FER1L5: variants seen among roughly 807,000 people sequenced by gnomAD.
FER1L5 encodes fer-1-like protein 5.
FER1L5 carries 187 observed loss-of-function variants against 279.9 expected under a neutral mutation model. The ratio of observed to expected loss-of-function variants is 0.67; its 90% CI spans 0.59 to 0.75. The LOEUF is 0.75. Ranked by LOEUF, FER1L5 falls within the 30% of genes least tolerant of loss-of-function variation. FER1L5 has a pLI of 0.00. For missense variants in FER1L5, 2,091 were observed against 2,594.4 expected (o/e 0.81, Z 4.21); for synonymous variants, 921 against 989.7 (o/e 0.93, Z 1.30).
chr2:96,690,684 G>A, intron 27 of FER1L5, 95 bp downstream of exon 27: 2 of 1,153,674 alleles, frequency 1.7e-6, no homozygotes, highest in Non-Finnish European at 2.5e-6. Context: ...AGCCCTCCAT[G>A]GTATACGCCT....
chr2:96,661,077 G>T (rs1027411347), intron 10 of FER1L5, among the ~76,000 whole-genome samples: 9 of 152,184 alleles, frequency 5.9e-5, no homozygotes, highest in African/African-American at 2.2e-4. Flanking sequence ...CCAGGCCACA[G>T]TGAGAACAGT....
At chr2:96,685,288 G>GCTGAGGCGGGCTCTCTCAC in intron 20 of FER1L5, 41 bp from the exon 21 acceptor site, 2 of 1,533,576 alleles carry the variant, frequency 1.3e-6, no homozygotes, top group Non-Finnish European at 1.8e-6. Context: ...TGGGCTCCAT[G>GCTGAGGCGGGCTCTCTCAC]CTGAGGCGGG....
At position 96,702,950 on chromosome 2, in the gene FER1L5, G is replaced by C; in HGVS notation, c.5398-28G>C. On this transcript the variant is annotated intron_variant, in intron 48 of 52. Transcript: ENST00000624922. The surrounding 1 kb of genome is among the most constrained non-coding windows in gnomAD (Gnocchi z 4.0). ...AGGGAAACGTCCAGGAGACAGGCCG[G>C]TAACACGCCCTTCCGCCATTTCCCC... 2 of 1,595,936 alleles carry C rather than the reference G, an allele frequency of 1.3e-6. No homozygotes were observed. Among genetic ancestry groups the C allele is most frequent in the Admixed American group, 1.7e-5 (1 of 57,818 alleles).
Position 96,685,950 on chromosome 2 carries a change from C to T in FER1L5, c.1906C>T (p.Pro636Ser), listed in dbSNP as rs1261041481. 4.5e-6 allele frequency: 7 copies of T among 1,542,130 alleles called. No homozygotes were observed. The highest frequency in any genetic ancestry group is 4.1e-5 in the African/African-American group (3 of 72,930). ...ELAEDCKRPL[P>S]CMTYQPKATS... ...CTGTCCTGGCCACAGGCGCCCTCTGCCCTGCATGACCTATCAGCCCAAAGC... is the reference window on the plus strand; with the variant it reads ...CTGTCCTGGCCACAGGCGCCCTCTGTCCTGCATGACCTATCAGCCCAAAGC... Residue 636 changes from proline (P) to serine (S), a missense_variant, in exon 22 of 53, where the codon CCC becomes TCC. Coordinates refer to ENST00000624922, the MANE Select transcript of FER1L5 (RefSeq NM_001293083.2).
At chr2:96,690,199 CA>C (rs1169568944) in intron 26 of FER1L5, among the ~76,000 whole-genome samples, 2 of 152,218 alleles carry the variant, frequency 1.3e-5, no homozygotes, top group African/African-American at 4.8e-5. Flanking sequence ...AGAGTAGCCC[CA>C]GGCGGCTGGT....
chr2:96,664,970 C>G (rs1308296381), intron 14 of FER1L5, among the ~76,000 whole-genome samples: 1 of 152,192 alleles, frequency 6.6e-6, no homozygotes, highest in African/African-American at 2.4e-5. Context: ...CTACTTGTTC[C>G]TGCACTAAAT....
At position 96,694,489 on chromosome 2, in the gene FER1L5, G is replaced by C; in HGVS notation, c.3741+25G>C. 1 of 1,520,452 alleles carries C rather than the reference G, an allele frequency of 6.6e-7. No homozygotes were observed. The highest frequency in any genetic ancestry group is 2.5e-5 in the East Asian group (1 of 40,068). 94.2% of individuals were successfully genotyped at this position (1,520,452 alleles called of 1,614,324 possible). On this transcript the variant is annotated intron_variant, in intron 34 of 52. Transcript: ENST00000624922. The surrounding 1 kb of genome is among the most constrained non-coding windows in gnomAD (Gnocchi z 4.6). ...GGTGCTGGCGATGTGGGATGGGGAC[G>C]GTGGGCAGGACAGGCGGGGGTGGTC...
At position 96,693,904 on chromosome 2, in the gene FER1L5, C is replaced by G. The variant is rs936225270; in HGVS notation, c.3475-7C>G. 3.2e-6 allele frequency: 5 copies of G among 1,541,658 alleles called. No individual in the cohort carries two copies. The highest frequency in any genetic ancestry group is 1.4e-5 in the African/African-American group (1 of 72,970). On this transcript the variant is annotated splice_polypyrimidine_tract_variant and splice_region_variant and intron_variant, in intron 32 of 52. Transcript: ENST00000624922. ...GCCTCCATGCTTTGTGAACTTCCCCCCTCCAGGGCAAGGAGAGCTTGTGGG... is the reference window on the plus strand; with the variant it reads ...GCCTCCATGCTTTGTGAACTTCCCCGCTCCAGGGCAAGGAGAGCTTGTGGG...
At chr2:96,643,379 T>G (rs1007830839) in intron 1 of FER1L5, among the ~76,000 whole-genome samples, 3 of 152,202 alleles carry the variant, frequency 2.0e-5, no homozygotes, top group African/African-American at 7.2e-5. Context: ...AGACAGACTG[T>G]CACTCTGTCA....
intron 1 of FER1L5, 83 bp from the exon 2 acceptor site, chr2:96,646,318 T>A (rs186957094): frequency 6.9e-7 from 1 of 1,446,112 alleles, no homozygotes; most frequent in East Asian, 2.5e-5. Flanking sequence ...TTTCTTAGAG[T>A]GTCCTACTTC....
intron 13 of FER1L5, 40 bp from the exon 14 acceptor site, chr2:96,663,399 G>T (rs1332918635): frequency 8.4e-6 from 13 of 1,542,416 alleles, no homozygotes; most frequent in Non-Finnish European, 1.1e-5. Flanking sequence ...GGAGGGAGGA[G>T]GGGGCAGGCT....
chr2:96,659,687 T>C (rs1475629784), intron 9 of FER1L5, among the ~76,000 whole-genome samples: 3 of 150,884 alleles, frequency 2.0e-5, no homozygotes, highest in African/African-American at 7.3e-5. Flanking sequence ...GAGACAAGGT[T>C]TCACTGCGTT....
chr2:96,668,608 G>C, intron 14 of FER1L5, 143 bp from the exon 15 acceptor site: 7 of 952,118 alleles, frequency 7.4e-6, no homozygotes, highest in South Asian at 1.4e-5. Context: ...TCAAAATCCA[G>C]CTTTTCTATG....
At chr2:96,647,948 C>A in intron 4 of FER1L5, 62 bp downstream of exon 4, 1 of 1,298,414 alleles carries the variant, frequency 7.7e-7, no homozygotes, top group Non-Finnish European at 1.1e-6. Flanking sequence ...GCTGGTGAAG[C>A]GGCCCACACC....
chr2:96,691,453 C>T lies in FER1L5; in HGVS notation c.2916C>T (p.Ala972=). The change falls in exon 29 of 53, where the codon GCC becomes GCT. Residue 972 remains alanine, a synonymous_variant. Coordinates refer to ENST00000624922, the MANE Select transcript of FER1L5 (RefSeq NM_001293083.2). The surrounding 1 kb of genome is among the most constrained non-coding windows in gnomAD (Gnocchi z 6.0). ...TCTCCTCCCCACCACAGGGCCTGGC[C>T]AAGGGCGAGGAGGAGGGCTGGGAGT... ...ETLSFLQLGL[A]KGEEEGWEYD... 1 of 1,541,178 alleles carries T rather than the reference C, an allele frequency of 6.5e-7. No homozygotes were observed. Among genetic ancestry groups the T allele is most frequent in the Non-Finnish European group, 8.8e-7 (1 of 1,141,506 alleles).
Position 96,694,559 on chromosome 2 carries a change from T to C in FER1L5, c.3741+95T>C. ...CTGCTGGTCCTCCCTGACTACTGGA[T>C]CCAAAGCTCACACCCCGAAAAAGAC... is the stretch of plus-strand genomic sequence containing the variant. On this transcript the variant is annotated intron_variant, in intron 34 of 52. Coordinates refer to ENST00000624922, the MANE Select transcript of FER1L5 (RefSeq NM_001293083.2). The surrounding 1 kb of genome is among the most constrained non-coding windows in gnomAD (Gnocchi z 4.6). 9.9e-7 allele frequency: 1 copy of C among 1,007,378 alleles called. No individual in the cohort carries two copies. Among genetic ancestry groups the C allele is most frequent in the Non-Finnish European group, 1.4e-6 (1 of 729,380 alleles). The allele number at this position is 1,007,378 out of a possible 1,614,324, so 62.4% of individuals were successfully genotyped here. A position where few individuals can be genotyped will look rare whatever the true frequency, so the allele number is the denominator to read the frequency against.
At chr2:96,655,950 C>T (rs960097947) in intron 9 of FER1L5, among the ~76,000 whole-genome samples, 20 of 151,836 alleles carry the variant, frequency 1.3e-4, no homozygotes, top group Non-Finnish European at 2.1e-4. Context: ...GGGCTTAAGC[C>T]GTCCTCCCAC....
chr2:96,689,817 C>A lies in FER1L5; in HGVS notation c.2640+59C>A. 1 of 1,414,690 alleles carries A rather than the reference C, an allele frequency of 7.1e-7. No homozygotes were observed. Among genetic ancestry groups the A allele is most frequent in the Non-Finnish European group, 9.5e-7 (1 of 1,052,294 alleles). The allele number at this position is 1,414,690 out of a possible 1,614,324, so 87.6% of individuals were successfully genotyped here. ...GCAAGCAAGGCCACCAGGCGGGGCG[C>A]CTTGGAAGCTGGGGGTCCCAGTGGA... On this transcript the variant is annotated intron_variant, in intron 26 of 52. Coordinates refer to ENST00000624922, the MANE Select transcript of FER1L5 (RefSeq NM_001293083.2). This position sits in a 1 kb window ranked among gnomAD's most constrained non-coding sequence, Gnocchi z 4.6.
chr2:96,676,987 G>C (rs561945395), intron 19 of FER1L5, among the ~76,000 whole-genome samples: 19 of 152,144 alleles, frequency 1.2e-4, no homozygotes, highest in Non-Finnish European at 2.5e-4. Context: ...GATTACAGGA[G>C]TGTGCCACCA....
Sources: allele counts gnomAD v4.1 joint callset (sites outside exome capture counted in the v4.1 genomes callset), GRCh38; gene constraint gnomAD v4.1.1; non-coding constraint Gnocchi (gnomAD v3.1); transcripts MANE v1.5; gene names NCBI Gene and HGNC (gene_info 2026-07-23, HGNC 2026-07-21).